Variants in KSR2 observed in about 807,000 individuals in gnomAD.
The protein encoded by KSR2 is kinase suppressor of ras 2.
Under a neutral mutation model 107.8 loss-of-function variants are expected in KSR2, and 25 were observed. The ratio of observed to expected loss-of-function variants is 0.23; its 90% CI spans 0.17 to 0.32. The LOEUF is 0.32. Ranked by LOEUF, KSR2 falls within the 10% of genes least tolerant of loss-of-function variation. KSR2 has a pLI of 1.00. For missense variants in KSR2, 887 were observed against 1,268.9 expected (o/e 0.70, Z 4.57); for synonymous variants, 480 against 507.0 (o/e 0.95, Z 0.71).
chr12:117,874,622 G>A (rs971167671), intron 1 of KSR2, among the ~76,000 whole-genome samples: 2 of 152,144 alleles, frequency 1.3e-5, no homozygotes, highest in African/African-American at 4.8e-5. Flanking sequence ...GCAGCATCGG[G>A]ATCGTGATTT....
intron 3 of KSR2, among the ~76,000 whole-genome samples, chr12:117,795,261 G>A (rs1229132921): frequency 6.6e-6 from 1 of 152,142 alleles, no homozygotes; most frequent in Non-Finnish European, 1.5e-5. Context: ...ATGGGCACAA[G>A]GTTTGAAAAA....
intron 9 of KSR2, among the ~76,000 whole-genome samples, chr12:117,542,386 T>A (rs78683574): frequency 0.026 from 3,953 of 152,086 alleles, 188 homozygotes; most frequent in African/African-American, 0.089. Flanking sequence ...TGGATTCACA[T>A]GTAGTTGTAA....
chr12:117,916,749 C>G lies in KSR2; in HGVS notation c.180+51327G>C, dbSNP rs183087945. On this transcript the variant is annotated intron_variant, in intron 1 of 19. Coordinates refer to ENST00000339824, the MANE Select transcript of KSR2 (RefSeq NM_173598.6). ...ACGAAAGACACATACCTGAGGCTCACCAAAGACAAAATAATGTGCACCAGA... is the reference window on the plus strand; with the variant it reads ...ACGAAAGACACATACCTGAGGCTCAGCAAAGACAAAATAATGTGCACCAGA... 2.5e-3 allele frequency among the ~76,000 whole-genome samples: 384 copies of G among 152,256 alleles called. 1 individual carries two copies. Among genetic ancestry groups the G allele is most frequent in the Non-Finnish European group, 4.5e-3 (303 of 68,030 alleles).
chr12:117,667,322 G>T (rs986380184), intron 5 of KSR2, among the ~76,000 whole-genome samples, 152 bp downstream of exon 5: 1 of 152,186 alleles, frequency 6.6e-6, no homozygotes, highest in South Asian at 2.1e-4. Flanking sequence ...GGGGGCTGTG[G>T]GCAGATGATG....
intron 1 of KSR2, among the ~76,000 whole-genome samples, chr12:117,915,911 C>T (rs1895157114): frequency 6.6e-6 from 1 of 152,074 alleles, no homozygotes; most frequent in South Asian, 2.1e-4. Flanking sequence ...ACCTTCTCTA[C>T]CCTCAAGCAG....
At chr12:117,746,153 G>A (rs1565993049) in intron 4 of KSR2, among the ~76,000 whole-genome samples, 1 of 152,212 alleles carries the variant, frequency 6.6e-6, no homozygotes, top group Non-Finnish European at 1.5e-5. Context: ...AACTAAGCTG[G>A]AGGCATCACG....
chr12:117,650,393 C>T (rs1883850920), intron 5 of KSR2, among the ~76,000 whole-genome samples: 1 of 152,138 alleles, frequency 6.6e-6, no homozygotes, highest in South Asian at 2.1e-4. Flanking sequence ...ATTTAATAAA[C>T]TCATATATAT....
rs577901655 is a variant in KSR2, at chr12:117,731,088, G to A, written c.986+29923C>T. On this transcript the variant is annotated intron_variant, in intron 4 of 19. Transcript: ENST00000339824. ...GAGCGTCTCTGCCCGGCCACCCATC[G>A]TCTGGGATGTGGGGAGCGCCTCTGC... 4.9e-4 allele frequency among the ~76,000 whole-genome samples: 71 copies of A among 144,000 alleles called. No homozygotes were observed. In the East Asian group the frequency reaches 0.011, roughly 22 times the overall value. 94.5% of individuals were successfully genotyped at this position (144,000 alleles called of 152,430 possible).
At chr12:117,495,621 G>A (rs545831315) in intron 14 of KSR2, among the ~76,000 whole-genome samples, 1 of 152,346 alleles carries the variant, frequency 6.6e-6, no homozygotes, top group African/African-American at 2.4e-5. Flanking sequence ...CTGAGCTTTT[G>A]TTAATGCAGG....
chr12:117,904,242 C>G (rs1024924674), intron 1 of KSR2, among the ~76,000 whole-genome samples: 1 of 152,120 alleles, frequency 6.6e-6, no homozygotes, highest in African/African-American at 2.4e-5. Flanking sequence ...GGGTTCATAT[C>G]CGGGACACCA....
At chr12:117,542,832 A>G (rs554680483) in intron 9 of KSR2, among the ~76,000 whole-genome samples, 3 of 152,196 alleles carry the variant, frequency 2.0e-5, no homozygotes, top group Non-Finnish European at 2.9e-5. Context: ...TCACTGTTTT[A>G]TAAGTGGAAT....
chr12:117,755,048 G>C (rs1292567333), intron 4 of KSR2, among the ~76,000 whole-genome samples: 1 of 152,206 alleles, frequency 6.6e-6, no homozygotes, highest in Non-Finnish European at 1.5e-5. Flanking sequence ...AACCAGACAT[G>C]AAAGAGAGAT....
At position 117,552,927 on chromosome 12, in the gene KSR2, A is replaced by G. The variant is rs568109836; in HGVS notation, c.1518+2242T>C. ...TGAGTCTTCCCAGTTGATTCCCATT[A>G]TGGAGCAGAGACAAACCATTCCCTC... is the stretch of plus-strand genomic sequence containing the variant. On this transcript the variant is annotated intron_variant, in intron 9 of 19. Coordinates refer to ENST00000339824, the MANE Select transcript of KSR2 (RefSeq NM_173598.6). Among the ~76,000 whole-genome samples, 18 of 152,326 alleles carry G rather than the reference A, an allele frequency of 1.2e-4. No homozygotes were observed. The East Asian group carries it at 3.5e-3, about 29-fold the overall frequency.
intron 3 of KSR2, among the ~76,000 whole-genome samples, chr12:117,818,403 C>T (rs1341054427): frequency 6.6e-6 from 1 of 152,142 alleles, no homozygotes. Flanking sequence ...CTTAACCTCT[C>T]TCCCTCAACT....
intron 1 of KSR2, among the ~76,000 whole-genome samples, chr12:117,893,459 A>C (rs1041508976): frequency 6.6e-6 from 1 of 152,210 alleles, no homozygotes; most frequent in African/African-American, 2.4e-5. Flanking sequence ...GTGGCCCGTG[A>C]ACCTGAAAGT....
Position 117,968,905 on chromosome 12 carries a change from CTG to C in KSR2, c.-652_-651del. The C allele has an allele frequency of 3.9e-6, 1 of 257,758 alleles. No homozygotes were observed. The highest frequency in any genetic ancestry group is 2.3e-5 in the African/African-American group (1 of 42,678). The allele number at this position is 257,758 out of a possible 1,614,324, so 16.0% of individuals were successfully genotyped here. A position where few individuals can be genotyped will look rare whatever the true frequency, so the allele number is the denominator to read the frequency against. Reference sequence around the variant, plus strand: ...TCTCCTCCCCGCGCTGCTGCTGCTGCTGCTGCTGCCGCCGCCGGGCTCCGGGG... The same window carrying C: ...TCTCCTCCCCGCGCTGCTGCTGCTGCCTGCTGCCGCCGCCGGGCTCCGGGG... On this transcript the variant is annotated 5_prime_UTR_variant, in exon 1 of 20. The change creates a premature stop within an existing upstream ORF in the 5' untranslated region. Coordinates refer to ENST00000339824, the MANE Select transcript of KSR2 (RefSeq NM_173598.6).
Position 117,739,888 on chromosome 12 carries a change from C to CTGT in KSR2, c.986+21120_986+21122dup, listed in dbSNP as rs200830129. ...TTGGACTGACATATTTTGGGTGTTA[C>CTGT]TGTTTTTTTTTTTCACTCTTAGAAA... On this transcript the variant is annotated intron_variant, in intron 4 of 19. Transcript: ENST00000339824. Among the ~76,000 whole-genome samples the CTGT allele has an allele frequency of 6.9e-3, 807 of 117,244 alleles. 2 individuals are homozygous for CTGT. Among genetic ancestry groups the CTGT allele is most frequent in the Middle Eastern group, 0.018 (4 of 228 alleles). The allele number at this position is 117,244 out of a possible 152,430, so 76.9% of individuals were successfully genotyped here.
intron 5 of KSR2, among the ~76,000 whole-genome samples, chr12:117,610,837 G>A (rs1158254565): frequency 6.6e-6 from 1 of 151,442 alleles, no homozygotes; most frequent in African/African-American, 2.4e-5. Context: ...GAGACAGACA[G>A]ACAGACAGAC....
chr12:117,853,946 G>C (rs544800279), intron 3 of KSR2, among the ~76,000 whole-genome samples: 4 of 152,202 alleles, frequency 2.6e-5, no homozygotes, highest in Non-Finnish European at 2.9e-5. Context: ...AGAGGTCAAG[G>C]ATGCTTCTAA....
Sources: allele counts gnomAD v4.1 joint callset (sites outside exome capture counted in the v4.1 genomes callset), GRCh38; gene constraint gnomAD v4.1.1; transcripts MANE v1.5; gene names NCBI Gene and HGNC (gene_info 2026-07-23, HGNC 2026-07-21).